Variants in TXNRD1 observed in about 807,000 individuals in gnomAD.
The protein encoded by TXNRD1 is thioredoxin reductase 1.
In TXNRD1, 57 loss-of-function variants were observed where a neutral mutation model predicts 80.3. The ratio of observed to expected loss-of-function variants is 0.71; its 90% confidence interval spans 0.57 to 0.89. The LOEUF is 0.89. TXNRD1 is among the 40% of genes least tolerant of loss of function. TXNRD1 has a pLI of 0.00. For synonymous variants in TXNRD1, 291 were observed against 285.2 expected (o/e 1.02, Z -0.20); for missense variants, 730 against 803.0 (o/e 0.91, Z 1.10).
chr12:104,325,009 A>G (rs2035706508), intron 10 of TXNRD1, among the ~76,000 whole-genome samples: 1 of 152,140 alleles, frequency 6.6e-6, no homozygotes, highest in Non-Finnish European at 1.5e-5. Flanking sequence ...CAAGATAGAA[A>G]CCTGGGAAAA....
At chr12:104,291,196 CTTTTTTT>C (rs35069007) in intron 4 of TXNRD1, 63 of 136,322 alleles carry the variant, frequency 4.6e-4, no homozygotes, top group East Asian at 1.6e-3. Flanking sequence ...TACTTTGTGT[CTTTTTTT>C]TTTTTTTTTT....
At chr12:104,338,254 T>G (rs1565914099) in intron 15 of TXNRD1, among the ~76,000 whole-genome samples, 1 of 151,950 alleles carries the variant, frequency 6.6e-6, no homozygotes, top group Non-Finnish European at 1.5e-5. Flanking sequence ...ATCTTTGCCT[T>G]TTGTATTTTT....
At chr12:104,305,072 TGCA>T in intron 4 of TXNRD1, 1 of 912,664 alleles carries the variant, frequency 1.1e-6, no homozygotes, top group Non-Finnish European at 1.6e-6. Flanking sequence ...TGTTTTACTG[TGCA>T]GCATATTTTT....
chr12:104,315,092 A>G (rs999901317), intron 6 of TXNRD1, among the ~76,000 whole-genome samples: 2 of 152,152 alleles, frequency 1.3e-5, no homozygotes, highest in African/African-American at 4.8e-5. Context: ...CACTCTAATC[A>G]TCCCCAGCAT....
At chr12:104,260,124 A>C (rs550790915) in intron 3 of TXNRD1, among the ~76,000 whole-genome samples, 1 of 151,000 alleles carries the variant, frequency 6.6e-6, no homozygotes, top group African/African-American at 2.4e-5. Flanking sequence ...GCCTGAGGTC[A>C]GGAGTTCAAG....
intron 3 of TXNRD1, chr12:104,286,958 C>G: frequency 8.2e-7 from 1 of 1,219,660 alleles, no homozygotes; most frequent in Non-Finnish European, 1.0e-6. Flanking sequence ...TGGCAGTTAG[C>G]CCGCCCGCTC....
At chr12:104,254,242 C>T (rs1048368669) in intron 2 of TXNRD1, among the ~76,000 whole-genome samples, 10 of 152,052 alleles carry the variant, frequency 6.6e-5, no homozygotes, top group African/African-American at 2.4e-4. Flanking sequence ...TAGAACATAC[C>T]TGAGACATAG....
At chr12:104,282,864 T>G (rs2033906511) in intron 3 of TXNRD1, 1 of 152,176 alleles carries the variant, frequency 6.6e-6, no homozygotes, top group Non-Finnish European at 1.5e-5. Context: ...TGGCTGACTT[T>G]TATAATTTTT....
At chr12:104,302,065 G>A (rs1212815670) in intron 4 of TXNRD1, among the ~76,000 whole-genome samples, 3 of 152,154 alleles carry the variant, frequency 2.0e-5, no homozygotes, top group African/African-American at 7.2e-5. Flanking sequence ...GATCTAAAAC[G>A]CAGCTTTTGT....
chr12:104,293,932 G>C (rs909609106), intron 4 of TXNRD1, among the ~76,000 whole-genome samples: 1 of 152,214 alleles, frequency 6.6e-6, no homozygotes, highest in Non-Finnish European at 1.5e-5. Flanking sequence ...TGGACAGGGG[G>C]CCCTTCCCTG....
At chr12:104,290,968 T>A (rs936961295) in intron 4 of TXNRD1, 2 of 662,206 alleles carry the variant, frequency 3.0e-6, no homozygotes, top group African/African-American at 1.8e-5. Context: ...TCTTTTTTTT[T>A]AATTGAAAAC....
intron 3 of TXNRD1, among the ~76,000 whole-genome samples, chr12:104,270,176 T>C (rs925602500): frequency 2.0e-5 from 3 of 152,252 alleles, no homozygotes; most frequent in Non-Finnish European, 4.4e-5. Flanking sequence ...ATCATGAATG[T>C]TCTGAATGGC....
intron 2 of TXNRD1, among the ~76,000 whole-genome samples, chr12:104,252,662 T>TCTATATATA (rs756948232): frequency 4.4e-5 from 2 of 45,820 alleles, no homozygotes; most frequent in African/African-American, 1.7e-4. Flanking sequence ...TTATTATTTT[T>TCTATATATA]TATATATATA....
chr12:104,309,790 A>C (rs2035061545), intron 4 of TXNRD1: 4 of 1,533,002 alleles, frequency 2.6e-6, no homozygotes, highest in Non-Finnish European at 3.5e-6. Context: ...CCTTGGCCAT[A>C]ATGCCAGTTG....
chr12:104,237,550 C>T (rs990889545), intron 1 of TXNRD1, among the ~76,000 whole-genome samples: 4 of 152,158 alleles, frequency 2.6e-5, no homozygotes, highest in Non-Finnish European at 5.9e-5. Flanking sequence ...CCCTAAAAAA[C>T]GCATACTACC....
intron 4 of TXNRD1, chr12:104,290,875 T>C (rs1297518537): frequency 5.7e-6 from 3 of 522,520 alleles, no homozygotes; most frequent in East Asian, 6.6e-5. Flanking sequence ...CTGGTTTTAA[T>C]GGCAATGGGA....
At chr12:104,223,295 C>T (rs1202283971) in intron 1 of TXNRD1, among the ~76,000 whole-genome samples, 5 of 152,138 alleles carry the variant, frequency 3.3e-5, no homozygotes, top group Non-Finnish European at 7.3e-5. Flanking sequence ...GCTTGCTGCA[C>T]TCTATATAGG....
chr12:104,330,679 C>T (rs1444464716), intron 13 of TXNRD1, among the ~76,000 whole-genome samples: 2 of 152,002 alleles, frequency 1.3e-5, no homozygotes, highest in Admixed American at 6.6e-5. Context: ...CTCTGCCTCC[C>T]GGGTTCAAGC....
chr12:104,279,215 T>C (rs376075098), intron 3 of TXNRD1, among the ~76,000 whole-genome samples: 8 of 152,238 alleles, frequency 5.3e-5, no homozygotes, highest in Admixed American at 3.9e-4. Flanking sequence ...AAAGTCCTCT[T>C]GGACTGTGCT....
Sources: allele counts gnomAD v4.1 joint callset (sites outside exome capture counted in the v4.1 genomes callset), GRCh38; gene constraint gnomAD v4.1.1; transcripts MANE v1.5; gene names NCBI Gene and HGNC (gene_info 2026-07-23, HGNC 2026-07-21).